STAU1: variants seen among roughly 807,000 people sequenced by gnomAD.
STAU1 encodes the protein double-stranded RNA-binding protein Staufen homolog 1.
STAU1 carries 13 observed loss-of-function variants against 62.9 expected under a neutral mutation model. The observed-to-expected ratio is 0.21, with a 90% CI of 0.13 to 0.33. The LOEUF is 0.33. Ranked by LOEUF, STAU1 falls within the 10% of genes least tolerant of loss-of-function variation. The probability of loss-of-function intolerance (pLI) is 1.00; values close to 1 mark genes in which losing one functional copy is unlikely to be tolerated. For synonymous variants in STAU1, 269 were observed against 265.1 expected (o/e 1.01, Z -0.14); for missense variants, 571 against 712.1 (o/e 0.80, Z 2.25).
At position 49,127,913 on chromosome 20, in the gene STAU1, G is replaced by T. The variant is rs184465059; in HGVS notation, c.610-3326C>A. Among the ~76,000 whole-genome samples the T allele has an allele frequency of 2.0e-5, 3 of 152,226 alleles. No individual in the cohort carries two copies. The South Asian group carries it at 6.2e-4, about 32-fold the overall frequency. On this transcript the variant is annotated intron_variant, in intron 6 of 13. Transcript: ENST00000371856. ...GCCTGTAATCCCAGCACTTTGGGAG[G>T]CCGAGGCAGGCGGATCACCTGAGGC...
At chr20:49,147,131 GAA>G (rs2093146986) in intron 5 of STAU1, among the ~76,000 whole-genome samples, 2 of 152,208 alleles carry the variant, frequency 1.3e-5, no homozygotes, top group Admixed American at 6.5e-5. Context: ...CTCTTCCTCT[GAA>G]AAGACTGCTC....
At chr20:49,187,100 C>G (rs1022277557) in intron 1 of STAU1, among the ~76,000 whole-genome samples, 3 of 152,140 alleles carry the variant, frequency 2.0e-5, no homozygotes, top group Non-Finnish European at 4.4e-5. Flanking sequence ...TCTCCGTACA[C>G]CCCCCTTCAG....
At chr20:49,120,685 C>CA (rs1037060510) in intron 8 of STAU1, among the ~76,000 whole-genome samples, 5 of 152,158 alleles carry the variant, frequency 3.3e-5, no homozygotes, top group Admixed American at 2.0e-4. Flanking sequence ...GTAACTAGCA[C>CA]AAAAAACTGA....
chr20:49,154,391 A>T (rs961227688), intron 3 of STAU1, among the ~76,000 whole-genome samples: 1 of 152,226 alleles, frequency 6.6e-6, no homozygotes, highest in Non-Finnish European at 1.5e-5. Context: ...TTTCACGATT[A>T]AAAAATCCCA....
chr20:49,141,327 G>A (rs891527368), intron 5 of STAU1, among the ~76,000 whole-genome samples: 14 of 152,104 alleles, frequency 9.2e-5, no homozygotes, highest in Non-Finnish European at 1.8e-4. Context: ...GGTGGCTCAC[G>A]CCTGTAGTCC....
intron 5 of STAU1, among the ~76,000 whole-genome samples, chr20:49,149,252 ACAC>A (rs1230781515): frequency 0.021 from 105 of 5,064 alleles, no homozygotes; most frequent in African/African-American, 0.025. Flanking sequence ...CTGTCTCAAA[ACAC>A]ACACACACAC....
At chr20:49,119,169 G>A (rs1243448539) in intron 9 of STAU1, among the ~76,000 whole-genome samples, 1 of 152,182 alleles carries the variant, frequency 6.6e-6, no homozygotes, top group African/African-American at 2.4e-5. Context: ...ACTTCTGGCA[G>A]ACACGAATTT....
chr20:49,155,590 A>G (rs2093344497), intron 3 of STAU1, among the ~76,000 whole-genome samples: 1 of 152,234 alleles, frequency 6.6e-6, no homozygotes, highest in African/African-American at 2.4e-5. Flanking sequence ...ATAGAGAGAA[A>G]TAAAAAAGAC....
intron 4 of STAU1, among the ~76,000 whole-genome samples, chr20:49,152,760 T>C (rs2093276977): frequency 6.6e-6 from 1 of 152,200 alleles, no homozygotes; most frequent in Non-Finnish European, 1.5e-5. Flanking sequence ...AGTCAAAAAG[T>C]ACCCAATAAT....
At chr20:49,182,385 A>G (rs2146595070) in intron 1 of STAU1, among the ~76,000 whole-genome samples, 1 of 152,392 alleles carries the variant, frequency 6.6e-6, no homozygotes. Flanking sequence ...TTAAGCTGTC[A>G]ACAAGACAGA....
Position 49,149,536 on chromosome 20 carries a change from C to T in STAU1, c.510+2046G>A, listed in dbSNP as rs1156604811. 6.6e-5 allele frequency among the ~76,000 whole-genome samples: 10 copies of T among 152,172 alleles called. 1 individual carries two copies. The highest frequency in any genetic ancestry group is 2.2e-4 in the African/African-American group (9 of 41,456). ...TGGCTGGAAGGACTAGAAATACCTA[C>T]TCCATCTGACTCCAATTAGATTAGC... On this transcript the variant is annotated intron_variant, in intron 5 of 13. Coordinates refer to ENST00000371856, the MANE Select transcript of STAU1 (RefSeq NM_017453.4).
chr20:49,198,075 G>C, the STAU1 span, among the ~76,000 whole-genome samples: 16 of 152,218 alleles, frequency 1.1e-4, no homozygotes, highest in African/African-American at 3.9e-4. Flanking sequence ...CAAAAGATCT[G>C]TACAGACATT....
the STAU1 span, among the ~76,000 whole-genome samples, chr20:49,197,704 C>T: frequency 1.5e-4 from 23 of 151,654 alleles, no homozygotes; most frequent in East Asian, 1.9e-4. Flanking sequence ...GCTGGGCCTA[C>T]GATTTTCATT....
chr20:49,195,732 C>T, the STAU1 span, among the ~76,000 whole-genome samples: 1 of 149,872 alleles, frequency 6.7e-6, no homozygotes, highest in East Asian at 2.0e-4. Flanking sequence ...GGAAAAACCC[C>T]GTCTCTACTA....
intron 3 of STAU1, among the ~76,000 whole-genome samples, chr20:49,158,004 G>A (rs200301395): frequency 2.6e-5 from 4 of 152,072 alleles, no homozygotes; most frequent in African/African-American, 7.2e-5. Context: ...TGAAGCGGCC[G>A]GGTGTGGTGG....
At chr20:49,188,976 G>A (rs2093823074), upstream of STAU1, among the ~76,000 whole-genome samples, 1 of 151,852 alleles carries the variant, frequency 6.6e-6, no homozygotes, top group Admixed American at 6.6e-5. Flanking sequence ...CGAGGCGGGC[G>A]GATCACTAGG....
chr20:49,120,882 C>T (rs569318010), intron 8 of STAU1, among the ~76,000 whole-genome samples: 1 of 152,104 alleles, frequency 6.6e-6, no homozygotes, highest in Non-Finnish European at 1.5e-5. Flanking sequence ...GCAACCTCCA[C>T]TTCCCAGGTT....
chr20:49,216,832 A>G, the STAU1 span, among the ~76,000 whole-genome samples: 1 of 152,208 alleles, frequency 6.6e-6, no homozygotes, highest in Non-Finnish European at 1.5e-5. Context: ...TTGACCTCCA[A>G]GGATCTCAGA....
intron 3 of STAU1, among the ~76,000 whole-genome samples, chr20:49,163,374 G>A (rs1472957363): frequency 7.3e-6 from 1 of 136,430 alleles, no homozygotes; most frequent in Non-Finnish European, 1.6e-5. Context: ...TTTAGCCTTA[G>A]TTTCTTGTCT....
Sources: gnomAD v4.1 joint callset for allele counts (sites outside exome capture counted in the v4.1 genomes callset) on GRCh38, gnomAD v4.1.1 for gene constraint, MANE v1.5 for transcripts, NCBI Gene and HGNC (gene_info 2026-07-23, HGNC 2026-07-21) for gene names.